CALN1: variants seen among roughly 807,000 people sequenced by gnomAD.
CALN1 encodes the protein calcium-binding protein 8.
Under a neutral mutation model 30.6 loss-of-function variants are expected in CALN1, and 17 were observed. The ratio of observed to expected loss-of-function variants is 0.56; its 90% CI spans 0.38 to 0.83. The LOEUF (loss-of-function observed/expected upper bound fraction) is 0.83. Ranked by LOEUF, CALN1 falls within the 40% of genes least tolerant of loss-of-function variation. The pLI is 0.00. For synonymous variants in CALN1, 156 were observed against 131.4 expected, an observed-to-expected ratio of 1.19 and a Z score of -1.28; for missense variants, 291 against 354.9, an observed-to-expected ratio of 0.82 and a Z score of 1.45.
At chr7:72,035,299 G>C (rs75048591) in intron 4 of CALN1, among the ~76,000 whole-genome samples, 2 of 151,948 alleles carry the variant, frequency 1.3e-5, no homozygotes, top group African/African-American at 4.8e-5. Context: ...TCCAGCCCCT[G>C]ATGACCACCA....
intron 3 of CALN1, among the ~76,000 whole-genome samples, chr7:72,248,820 G>C (rs473176): frequency 6.6e-6 from 1 of 150,916 alleles, no homozygotes; most frequent in Non-Finnish European, 1.5e-5. Context: ...TTTCGATCTA[G>C]ATTTTTTTTT....
chr7:71,931,456 G>A (rs760896189), intron 5 of CALN1, among the ~76,000 whole-genome samples: 2 of 152,006 alleles, frequency 1.3e-5, no homozygotes, highest in African/African-American at 4.8e-5. Flanking sequence ...TAGTAGAGAC[G>A]GGGTTTCACC....
chr7:72,300,635 G>A (rs375623015), intron 2 of CALN1, among the ~76,000 whole-genome samples: 2 of 152,164 alleles, frequency 1.3e-5, no homozygotes, highest in South Asian at 2.1e-4. Context: ...ATGATATAGG[G>A]AACAAAATAG....
chr7:72,084,613 G>A (rs35733369), intron 4 of CALN1, among the ~76,000 whole-genome samples: 37,168 of 151,788 alleles, frequency 0.24, 4,785 homozygotes, highest in Middle Eastern at 0.29. Context: ...CACCCGCCTC[G>A]GCCTCCCAAT....
intron 2 of CALN1, among the ~76,000 whole-genome samples, chr7:72,336,170 C>T (rs1226733195): frequency 6.6e-6 from 1 of 152,000 alleles, no homozygotes; most frequent in African/African-American, 2.4e-5. Context: ...AAGCAGTCAG[C>T]GCTAGGGGCC....
chr7:72,184,789 TTTTC>T (rs992072103), intron 3 of CALN1, among the ~76,000 whole-genome samples: 1 of 151,922 alleles, frequency 6.6e-6, no homozygotes, highest in African/African-American at 2.4e-5. Flanking sequence ...CATCTTTTTT[TTTTC>T]TTTTTCTTAT....
intron 3 of CALN1, among the ~76,000 whole-genome samples, chr7:72,241,824 C>T (rs17503400): frequency 0.41 from 61,874 of 152,068 alleles, 13,158 homozygotes; most frequent in Middle Eastern, 0.57. Flanking sequence ...CAGCCCATGC[C>T]ATCTAAAAAG....
At chr7:71,883,682 C>T (rs968774478) in intron 5 of CALN1, among the ~76,000 whole-genome samples, 1 of 152,220 alleles carries the variant, frequency 6.6e-6, no homozygotes, top group South Asian at 2.1e-4. Context: ...AGAGCAGGTG[C>T]TTACTGTAAA....
intron 5 of CALN1, among the ~76,000 whole-genome samples, chr7:71,943,477 G>C (rs559802527): frequency 6.6e-6 from 1 of 152,220 alleles, no homozygotes; most frequent in Non-Finnish European, 1.5e-5. Context: ...ATCTCACTCT[G>C]TCACCCAGGC....
At chr7:72,216,769 G>A (rs571527656) in intron 3 of CALN1, among the ~76,000 whole-genome samples, 2 of 152,244 alleles carry the variant, frequency 1.3e-5, no homozygotes, top group African/African-American at 2.4e-5. Context: ...TTTTGGTGGG[G>A]GAGACAGGGT....
At chr7:72,205,512 T>C (rs1187575268) in intron 3 of CALN1, among the ~76,000 whole-genome samples, 1 of 129,172 alleles carries the variant, frequency 7.7e-6, no homozygotes, top group African/African-American at 3.3e-5. Context: ...CTTTCCCCAA[T>C]TTTTGTCAGA....
chr7:72,068,157 G>C (rs1308314817), intron 4 of CALN1, among the ~76,000 whole-genome samples: 5 of 152,148 alleles, frequency 3.3e-5, no homozygotes, highest in African/African-American at 4.8e-5. Flanking sequence ...GGTGAGGGGA[G>C]AGCAATTTCC....
At chr7:72,006,172 T>C (rs1799763440) in intron 5 of CALN1, among the ~76,000 whole-genome samples, 1 of 152,114 alleles carries the variant, frequency 6.6e-6, no homozygotes, top group African/African-American at 2.4e-5. Flanking sequence ...TAACAGACAT[T>C]GGGAAGTAAA....
intron 5 of CALN1, among the ~76,000 whole-genome samples, chr7:71,842,720 C>G (rs1434751812): frequency 6.6e-6 from 1 of 152,130 alleles, no homozygotes; most frequent in East Asian, 1.9e-4. Context: ...ATAATAAGGC[C>G]TCTTCAAGCT....
In CALN1 at chr7:72,089,346, A is replaced by G. The variant is rs184897359; in HGVS notation, c.388+16805T>C. 1.9e-3 allele frequency among the ~76,000 whole-genome samples: 296 copies of G among 152,298 alleles called. 2 individuals carry two copies. Among genetic ancestry groups the G allele is most frequent in the African/African-American group, 6.8e-3 (281 of 41,572 alleles). ...CACAGTTGGGTGGATAATATAAAAA[A>G]GAAAAACACAACCGTAGTCACAAAA... On this transcript the variant is annotated intron_variant, in intron 4 of 6. Transcript: ENST00000395275.
At chr7:71,796,526 AT>A (rs994456153) in intron 6 of CALN1, among the ~76,000 whole-genome samples, 64 of 151,774 alleles carry the variant, frequency 4.2e-4, no homozygotes, top group African/African-American at 1.5e-3. Flanking sequence ...CGCCCGGCTA[AT>A]TTTTTGTATT....
intron 1 of CALN1, among the ~76,000 whole-genome samples, chr7:72,431,480 G>A (rs939229220): frequency 5.3e-5 from 8 of 152,062 alleles, no homozygotes; most frequent in African/African-American, 1.2e-4. Flanking sequence ...TTGCCACTCC[G>A]TGGAATCACT....
chr7:72,257,267 T>G (rs1166667838), intron 3 of CALN1, among the ~76,000 whole-genome samples: 2 of 152,136 alleles, frequency 1.3e-5, no homozygotes, highest in African/African-American at 4.8e-5. Context: ...GACACGTGCA[T>G]ATTGCAATTT....
chr7:72,335,239 C>T (rs1490772667), intron 2 of CALN1, among the ~76,000 whole-genome samples: 3 of 152,208 alleles, frequency 2.0e-5, no homozygotes. Context: ...AAAAACACGT[C>T]CTGTTCTAGC....
Sources: gnomAD v4.1 joint callset for allele counts (sites outside exome capture counted in the v4.1 genomes callset) on GRCh38, gnomAD v4.1.1 for gene constraint, MANE v1.5 for transcripts, NCBI Gene and HGNC (gene_info 2026-07-23, HGNC 2026-07-21) for gene names.